TENM4: variants seen among roughly 807,000 people sequenced by gnomAD.
TENM4 encodes the protein teneurin-4.
TENM4 carries 82 observed loss-of-function variants against 243.3 expected under a neutral mutation model. That is an observed-to-expected ratio of 0.34 (90% CI 0.28 to 0.40). TENM4 has a LOEUF of 0.40. Ranked by LOEUF, TENM4 falls within the 10% of genes least tolerant of loss-of-function variation. The pLI, the probability that TENM4 is intolerant of heterozygous loss-of-function variation, is 1.00. For synonymous variants in TENM4, 1,412 were observed against 1,456.3 expected (o/e 0.97, Z 0.69); for missense variants, 3,138 against 3,673.3 (o/e 0.85, Z 3.77).
chr11:78,712,676 G>A lies in TENM4; in HGVS notation c.3860C>T (p.Pro1287Leu). The A allele has an allele frequency of 3.7e-6, 6 of 1,614,006 alleles. No homozygotes were observed. Among genetic ancestry groups the A allele is most frequent in the Non-Finnish European group, 5.1e-6 (6 of 1,179,890 alleles). Reference sequence around the variant, plus strand: ...AGAAAGGAAGACGGCCCCACTCATGGGGTCTGTGGCCAGGTAGTATTTGTG... The same window carrying A: ...AGAAAGGAAGACGGCCCCACTCATGAGGTCTGTGGCCAGGTAGTATTTGTG... ...PAHKYYLATD[P>L]MSGAVFLSDS... The change falls in exon 26 of 34, where the codon CCC becomes CTC. Residue 1287 changes from proline to leucine, a missense_variant. Around this residue, in one of 2 missense-constraint regions of TENM4, gnomAD observed 2,467 missense variants for 3,059.1 expected, o/e 0.81. Transcript: ENST00000278550.
intron 6 of TENM4, among the ~76,000 whole-genome samples, chr11:79,018,748 G>A (rs909904937): frequency 6.6e-6 from 1 of 152,186 alleles, no homozygotes; most frequent in African/African-American, 2.4e-5. Context: ...AGAAATGGAA[G>A]TGATTCACTC....
chr11:79,149,990 A>G (rs572414024), intron 3 of TENM4, among the ~76,000 whole-genome samples: 1 of 152,304 alleles, frequency 6.6e-6, no homozygotes, highest in South Asian at 2.1e-4. Context: ...TTAAACCTGT[A>G]TAATGTCACC....
At chr11:79,385,441 C>T (rs993554925) in intron 1 of TENM4, among the ~76,000 whole-genome samples, 3 of 152,120 alleles carry the variant, frequency 2.0e-5, no homozygotes, top group African/African-American at 7.2e-5. Flanking sequence ...TTATTAAACC[C>T]TCTATTTGTG....
chr11:78,943,479 T>G (rs1856946597), intron 6 of TENM4, among the ~76,000 whole-genome samples: 1 of 152,222 alleles, frequency 6.6e-6, no homozygotes, highest in Admixed American at 6.5e-5. Flanking sequence ...GGTCCCTTCC[T>G]ACCCTCTGCC....
At chr11:79,176,115 C>A (rs1244493964) in intron 3 of TENM4, among the ~76,000 whole-genome samples, 1 of 152,032 alleles carries the variant, frequency 6.6e-6, no homozygotes, top group Admixed American at 6.6e-5. Flanking sequence ...AAATAAATCA[C>A]CCAACCAAGT....
chr11:78,854,516 C>G (rs898912570), intron 11 of TENM4, among the ~76,000 whole-genome samples: 2 of 152,192 alleles, frequency 1.3e-5, no homozygotes, highest in African/African-American at 4.8e-5. Flanking sequence ...TCTCCCGGTT[C>G]TCCTGTGAGT....
At chr11:78,847,639 T>G (rs17137243) in intron 12 of TENM4, among the ~76,000 whole-genome samples, 7,010 of 152,274 alleles carry the variant, frequency 0.046, 572 homozygotes, top group African/African-American at 0.16. Flanking sequence ...TCCAAAGAAG[T>G]GTTTCCATTA....
intron 9 of TENM4, among the ~76,000 whole-genome samples, chr11:78,888,893 G>C (rs1855602480): frequency 6.6e-6 from 1 of 152,176 alleles, no homozygotes; most frequent in Non-Finnish European, 1.5e-5. Flanking sequence ...CTAGGGTTAA[G>C]CCAATCTCCC....
intron 4 of TENM4, among the ~76,000 whole-genome samples, chr11:79,148,298 A>T (rs1260747570): frequency 1.3e-5 from 2 of 152,124 alleles, no homozygotes; most frequent in Admixed American, 6.6e-5. Flanking sequence ...ACTTGGCAAG[A>T]CGTGGAGTGA....
Position 78,889,891 on chromosome 11 carries a change from C to T in TENM4, c.978G>A (p.Pro326=), listed in dbSNP as rs1043775367. The part of the protein sequence containing the change: ...RPLPRSTFAR[P]AFNLKKPSKY... ...TGGAGGGCTTCTTGAGGTTAAAGGC[C>T]GGCCGGGCGAAGGTGCTGCGGGGCA... Residue 326 remains proline (P), a synonymous_variant, in exon 9 of 34, where the codon CCG becomes CCA. Transcript: ENST00000278550. 39 of 1,551,620 alleles carry T rather than the reference C, an allele frequency of 2.5e-5. No individual in the cohort carries two copies. The Admixed American group carries it at 3.7e-4, about 15-fold the overall frequency.
intron 1 of TENM4, among the ~76,000 whole-genome samples, chr11:79,338,787 T>C (rs373714309): frequency 1.3e-5 from 2 of 152,136 alleles, no homozygotes; most frequent in Non-Finnish European, 2.9e-5. Context: ...AGGTTCAAAG[T>C]CCCAGCTGAA....
chr11:79,062,100 T>C (rs1860106862), intron 6 of TENM4, among the ~76,000 whole-genome samples: 1 of 151,840 alleles, frequency 6.6e-6, no homozygotes, highest in Admixed American at 6.6e-5. Flanking sequence ...TAGCTGGGAT[T>C]ACAAGTGTGC....
chr11:79,318,614 C>T (rs1479266090), intron 1 of TENM4, among the ~76,000 whole-genome samples: 3 of 152,094 alleles, frequency 2.0e-5, no homozygotes, highest in Non-Finnish European at 2.9e-5. Flanking sequence ...TATAGCATTT[C>T]CACCTATTTA....
At chr11:79,385,631 A>G (rs1426399112) in intron 1 of TENM4, among the ~76,000 whole-genome samples, 1 of 152,184 alleles carries the variant, frequency 6.6e-6, no homozygotes, top group Non-Finnish European at 1.5e-5. Flanking sequence ...TCAAAAAATA[A>G]CCCCTTTTCT....
intron 6 of TENM4, among the ~76,000 whole-genome samples, chr11:79,040,241 T>C (rs984622693): frequency 2.6e-5 from 4 of 152,154 alleles, no homozygotes; most frequent in African/African-American, 4.8e-5. Flanking sequence ...AGTCATAACA[T>C]TGACCTAAAA....
chr11:79,105,168 C>T (rs1398744404), intron 4 of TENM4, among the ~76,000 whole-genome samples: 1 of 152,058 alleles, frequency 6.6e-6, no homozygotes, highest in East Asian at 1.9e-4. Context: ...TTATTTTCAC[C>T]CTCTCAACAT....
At chr11:79,290,320 T>C (rs1027685714) in intron 2 of TENM4, among the ~76,000 whole-genome samples, 35 of 152,242 alleles carry the variant, frequency 2.3e-4, no homozygotes, top group African/African-American at 7.7e-4. Context: ...TTTATATGTA[T>C]GTAATATTTT....
At chr11:79,000,015 G>T (rs571688933) in intron 6 of TENM4, among the ~76,000 whole-genome samples, 3 of 152,252 alleles carry the variant, frequency 2.0e-5, no homozygotes, top group African/African-American at 7.2e-5. Context: ...TTGAAAATTG[G>T]TAAGAGAAAA....
chr11:78,708,251 G>C, intron 27 of TENM4, 110 bp downstream of exon 27: 1 of 1,419,272 alleles, frequency 7.0e-7, no homozygotes, highest in Non-Finnish European at 9.6e-7. Context: ...CCAAGTAGGT[G>C]CTCTTTAAAG....
Sources: allele counts gnomAD v4.1 joint callset (sites outside exome capture counted in the v4.1 genomes callset), GRCh38; gene constraint gnomAD v4.1.1; regional missense constraint gnomAD v4.1.1; transcripts MANE v1.5; gene names NCBI Gene and HGNC (gene_info 2026-07-23, HGNC 2026-07-21).